The following PRDM15 variants were observed in gnomAD, a reference collection of about 807,000 sequenced individuals.
PRDM15 encodes PR domain zinc finger protein 15.
A neutral mutation model predicts 128.6 loss-of-function variants in PRDM15; 64 were observed. The ratio of observed to expected loss-of-function variants is 0.50; its 90% CI spans 0.41 to 0.61. The LOEUF (loss-of-function observed/expected upper bound fraction) is 0.61. Ranked by LOEUF, PRDM15 falls within the 20% of genes least tolerant of loss-of-function variation. PRDM15 has a pLI of 0.00. For missense variants in PRDM15, 1,242 were observed against 1,569.1 expected, an observed-to-expected ratio of 0.79 and a Z score of 3.52; for synonymous variants, 615 against 621.8, an observed-to-expected ratio of 0.99 and a Z score of 0.16.
chr21:41,801,169 C>G lies in PRDM15; in HGVS notation c.*71G>C. On this transcript the variant is annotated 3_prime_UTR_variant, in exon 24 of 24. Coordinates refer to ENST00000398548, the MANE Select transcript of PRDM15 (RefSeq NM_001040424.3). Reference sequence around the variant, plus strand: ...GTATGACTTTTTGTTTGTTTGGTATCCAGCAAACACATCTAAACAAATCCC... The same window carrying G: ...GTATGACTTTTTGTTTGTTTGGTATGCAGCAAACACATCTAAACAAATCCC... 1 of 1,490,504 alleles carries G rather than the reference C, an allele frequency of 6.7e-7. No homozygotes were observed. Among genetic ancestry groups the G allele is most frequent in the Non-Finnish European group, 8.9e-7 (1 of 1,126,902 alleles). The allele number at this position is 1,490,504 out of a possible 1,614,324, so 92.3% of individuals were successfully genotyped here. A position where few individuals can be genotyped will look rare whatever the true frequency, so the allele number is the denominator to read the frequency against.
Position 41,804,565 on chromosome 21 carries a change from G to A in PRDM15, c.2702C>T (p.Thr901Ile), listed in dbSNP as rs1471775934. ...DDLDHLPETT[T>I]IDASSIGIVQ... Reference sequence around the variant, plus strand: ...GATGCCAATGGAGGAGGCGTCGATGGTGGTGGTCTCCGGGAGGTGGTCCAG... The same window carrying A: ...GATGCCAATGGAGGAGGCGTCGATGATGGTGGTCTCCGGGAGGTGGTCCAG... Residue 901 changes from threonine (T) to isoleucine (I), a missense_variant, in exon 22 of 24, where the codon ACC (threonine) becomes ATC (isoleucine). Physicochemically the swap from Thr to Ile is moderately conservative, Grantham distance 89 (BLOSUM62 -1). Coordinates refer to ENST00000398548, the MANE Select transcript of PRDM15 (RefSeq NM_001040424.3). The A allele has an allele frequency of 6.4e-7, 1 of 1,572,106 alleles. No individual in the cohort carries two copies. The highest frequency in any genetic ancestry group is 8.6e-7 in the Non-Finnish European group (1 of 1,158,402).
intron 1 of PRDM15, among the ~76,000 whole-genome samples, chr21:41,863,030 G>A (rs564821505): frequency 6.6e-6 from 1 of 151,948 alleles, no homozygotes; most frequent in Non-Finnish European, 1.5e-5. Context: ...CTAGCCAGGC[G>A]CGGTGGCACG....
intron 18 of PRDM15, among the ~76,000 whole-genome samples, chr21:41,816,098 G>A (rs1379537880): frequency 1.3e-5 from 2 of 152,262 alleles, no homozygotes; most frequent in Non-Finnish European, 2.9e-5. Flanking sequence ...CGCGAGCAAC[G>A]CCGGGGCGGT....
At chr21:41,817,812 T>C (rs183990932) in intron 18 of PRDM15, among the ~76,000 whole-genome samples, 12 of 152,382 alleles carry the variant, frequency 7.9e-5, no homozygotes, top group South Asian at 6.2e-4. Flanking sequence ...TGGAATTTGG[T>C]ATTCTGTAAA....
At position 41,801,353 on chromosome 21, in the gene PRDM15, C is replaced by T. The variant is rs771684064; in HGVS notation, c.3313G>A (p.Ala1105Thr). ...GGCAAGACGTCAGTCTGGGGCACTG[C>T]CCGCCACGTGAGCGGGTGCTGGTCA... is the stretch of plus-strand genomic sequence containing the variant. ...LSDQHPLTWR[A>T]VPQTDVLPPS... Residue 1105 changes from alanine to threonine, a missense_variant, in exon 24 of 24, where the codon GCA (alanine) becomes ACA (threonine). Physicochemically the swap from Ala to Thr is moderately conservative, Grantham distance 58. Coordinates refer to ENST00000398548, the MANE Select transcript of PRDM15 (RefSeq NM_001040424.3). The T allele has an allele frequency of 2.5e-6, 4 of 1,604,916 alleles. No individual in the cohort carries two copies. In the South Asian group the frequency reaches 4.4e-5, roughly 18 times the overall value.
intron 19 of PRDM15, among the ~76,000 whole-genome samples, chr21:41,815,410 C>A (rs924119215): frequency 3.3e-5 from 5 of 152,234 alleles, no homozygotes; most frequent in Admixed American, 2.0e-4. Context: ...TTCTTGTGCA[C>A]ATTCCTGAGG....
chr21:41,868,198 C>T (rs1413173213), intron 1 of PRDM15, among the ~76,000 whole-genome samples: 6 of 152,154 alleles, frequency 3.9e-5, no homozygotes, highest in African/African-American at 4.8e-5. Context: ...TTCCATGATT[C>T]GAGTGCATTA....
chr21:41,869,746 GAA>G lies in PRDM15; in HGVS notation c.-9-9376_-9-9375del, dbSNP rs1242173847. ...AGGCGTGAGCCACCAGGCCCAGCTA[GAA>G]AAGTCTTATAAGTATACATCTTACA... On this transcript the variant is annotated intron_variant, in intron 1 of 23. Transcript: ENST00000398548. Among the ~76,000 whole-genome samples the G allele has an allele frequency of 7.9e-5, 12 of 152,218 alleles. No individual in the cohort carries two copies. In the South Asian group the frequency reaches 1.9e-3, roughly 24 times the overall value.
intron 1 of PRDM15, among the ~76,000 whole-genome samples, chr21:41,874,588 C>A (rs2146049164): frequency 7.3e-6 from 1 of 136,674 alleles, no homozygotes; most frequent in African/African-American, 2.8e-5. Context: ...ACACCTGAAA[C>A]ACCCCTTCTC....
rs1477393463 is a variant in PRDM15, at chr21:41,859,332, T to C, written c.131+260A>G. 1.9e-6 allele frequency: 2 copies of C among 1,079,004 alleles called. No homozygotes were observed. Among genetic ancestry groups the C allele is most frequent in the Non-Finnish European group, 2.7e-6 (2 of 730,894 alleles). The allele number at this position is 1,079,004 out of a possible 1,614,324, so 66.8% of individuals were successfully genotyped here. A position where few individuals can be genotyped will look rare whatever the true frequency, so the allele number is the denominator to read the frequency against. On this transcript the variant is annotated intron_variant, in intron 3 of 23. Transcript: ENST00000398548. This position sits in a 1 kb window ranked among gnomAD's most constrained non-coding sequence, Gnocchi z 5.3. ...CCACTCTTCTGCAGCCTCCACACAC[T>C]GTGTCGGGAACAGCTGGGCTCCAGC...
chr21:41,874,232 G>A (rs2095409669), intron 1 of PRDM15, among the ~76,000 whole-genome samples: 1 of 151,924 alleles, frequency 6.6e-6, no homozygotes, highest in Non-Finnish European at 1.5e-5. Flanking sequence ...GGCTTGGATG[G>A]TGGAGAGGCT....
chr21:41,838,497 G>GT (rs1218799481), intron 7 of PRDM15, among the ~76,000 whole-genome samples: 1 of 152,136 alleles, frequency 6.6e-6, no homozygotes, highest in Non-Finnish European at 1.5e-5. Flanking sequence ...AAGAGTTAAA[G>GT]ATCACATCAT....
intron 11 of PRDM15, among the ~76,000 whole-genome samples, chr21:41,830,827 G>T (rs73359659): frequency 0.022 from 3,336 of 152,218 alleles, 117 homozygotes; most frequent in African/African-American, 0.076. Context: ...CTGTGGTTTC[G>T]GCTCCGCCCA....
intron 21 of PRDM15, among the ~76,000 whole-genome samples, chr21:41,809,937 C>T (rs2061807705): frequency 6.6e-6 from 1 of 152,206 alleles, no homozygotes; most frequent in African/African-American, 2.4e-5. Context: ...AATTTATAAC[C>T]TTAGCAAAGG....
intron 13 of PRDM15, among the ~76,000 whole-genome samples, chr21:41,825,325 T>A (rs2062430732): frequency 6.6e-6 from 1 of 152,372 alleles, no homozygotes; most frequent in Middle Eastern, 3.4e-3. Flanking sequence ...GCGCAGCGTG[T>A]TTGCTGGATG....
Position 41,859,040 on chromosome 21 carries a change from G to C in PRDM15, c.131+552C>G. On this transcript the variant is annotated intron_variant, in intron 3 of 23. Coordinates refer to ENST00000398548, the MANE Select transcript of PRDM15 (RefSeq NM_001040424.3). This position sits in a 1 kb window ranked among gnomAD's most constrained non-coding sequence, Gnocchi z 5.3. ...CCTTGTCCAAGCTCACCTGCCCTGG[G>C]CCACCAGGTGGCACAGCCTCCCCCA... 1.3e-6 allele frequency: 2 copies of C among 1,558,120 alleles called. No individual in the cohort carries two copies. The highest frequency in any genetic ancestry group is 1.7e-6 in the Non-Finnish European group (2 of 1,151,226).
At chr21:41,803,032 T>G in intron 22 of PRDM15, 111 bp from the exon 23 acceptor site, 1 of 812,828 alleles carries the variant, frequency 1.2e-6, no homozygotes, top group Non-Finnish European at 2.1e-6. Flanking sequence ...TGGGGACGCT[T>G]GTGGGCCACC....
chr21:41,867,251 T>C (rs1243497794), intron 1 of PRDM15: 2 of 1,468,226 alleles, frequency 1.4e-6, no homozygotes, highest in Middle Eastern at 1.8e-4. Flanking sequence ...TCAAACTTCG[T>C]AACACCAAAA....
chr21:41,850,025 T>A (rs8130834), intron 5 of PRDM15, among the ~76,000 whole-genome samples: 1 of 152,152 alleles, frequency 6.6e-6, no homozygotes, highest in East Asian at 1.9e-4. Flanking sequence ...ATGCTATATG[T>A]GACTGAACAG....
Sources: allele counts gnomAD v4.1 joint callset (sites outside exome capture counted in the v4.1 genomes callset), GRCh38; gene constraint gnomAD v4.1.1; non-coding constraint Gnocchi (gnomAD v3.1); transcripts MANE v1.5; gene names NCBI Gene and HGNC (gene_info 2026-07-23, HGNC 2026-07-21).